Variants in POLD3 observed in about 807,000 individuals in gnomAD.
POLD3 encodes the protein DNA polymerase delta 3, accessory subunit.
POLD3 carries 19 observed loss-of-function variants against 58.2 expected under a neutral mutation model. That is an observed-to-expected ratio of 0.33 (90% confidence interval 0.23 to 0.48). The LOEUF (loss-of-function observed/expected upper bound fraction) is 0.48, where lower values mean the gene tolerates loss of function less well. POLD3 is among the 20% of genes least tolerant of loss of function. POLD3 has a pLI of 0.99. For synonymous variants in POLD3, 172 were observed against 193.5 expected, an observed-to-expected ratio of 0.89 and a Z score of 0.92; for missense variants, 504 against 545.5, an observed-to-expected ratio of 0.92 and a Z score of 0.76.
intron 2 of POLD3, among the ~76,000 whole-genome samples, chr11:74,600,350 CGAG>C (rs1554973763): frequency 2.0e-5 from 3 of 152,052 alleles, no homozygotes; most frequent in Non-Finnish European, 4.4e-5. Context: ...TTTGGGAGGC[CGAG>C]GAGGGCAGAT....
chr11:74,597,235 C>G (rs2031295263), intron 2 of POLD3, among the ~76,000 whole-genome samples: 1 of 152,174 alleles, frequency 6.6e-6, no homozygotes, highest in Non-Finnish European at 1.5e-5. Context: ...ATTCTGTTTT[C>G]TCCATACCCT....
intron 4 of POLD3, among the ~76,000 whole-genome samples, chr11:74,660,757 CCGCCATGATTG>C (rs2033196400): frequency 6.6e-6 from 1 of 152,194 alleles, no homozygotes; most frequent in Admixed American, 6.5e-5. Context: ...TCTTCACCTT[CCGCCATGATTG>C]TAAGTTTCCT....
downstream of POLD3, among the ~76,000 whole-genome samples, chr11:74,643,305 A>G (rs1417415698): frequency 1.3e-5 from 2 of 152,136 alleles, no homozygotes; most frequent in African/African-American, 4.8e-5. Flanking sequence ...GAGAGTAGAT[A>G]TTTTCCTACT....
chr11:74,621,350 T>C (rs936532554), intron 7 of POLD3, among the ~76,000 whole-genome samples: 3 of 152,014 alleles, frequency 2.0e-5, no homozygotes, highest in Non-Finnish European at 2.9e-5. Context: ...CTTATGAGAA[T>C]CTAATGCCTG....
At chr11:74,609,765 T>C (rs1322508918) in intron 3 of POLD3, among the ~76,000 whole-genome samples, 2 of 152,198 alleles carry the variant, frequency 1.3e-5, no homozygotes, top group African/African-American at 2.4e-5. Flanking sequence ...TGCAAACTAT[T>C]TTACACTCTG....
chr11:74,655,299 C>T (rs555855312), intron 4 of POLD3, among the ~76,000 whole-genome samples: 7 of 152,316 alleles, frequency 4.6e-5, no homozygotes, highest in South Asian at 4.1e-4. Context: ...ATGAAACAAA[C>T]GAGAGAGATC....
Position 74,643,055 on chromosome 11 carries a change from T to G in POLD3, c.*2289T>G. 2.1e-6 allele frequency: 1 copy of G among 476,182 alleles called. No individual in the cohort carries two copies. The highest frequency in any genetic ancestry group is 2.7e-6 in the Non-Finnish European group (1 of 364,882). The allele number at this position is 476,182 out of a possible 1,614,324, so 29.5% of individuals were successfully genotyped here. ...TTATCAAAATAAAACTAAAATGAGTTACCAAGGGTGTCAAGACTAAAGTCA... is the reference window on the plus strand; with the variant it reads ...TTATCAAAATAAAACTAAAATGAGTGACCAAGGGTGTCAAGACTAAAGTCA... On this transcript the variant is annotated 3_prime_UTR_variant, in exon 12 of 12. Coordinates refer to ENST00000263681, the MANE Select transcript of POLD3 (RefSeq NM_006591.3).
chr11:74,645,603 T>A (rs2032989055), downstream of POLD3, among the ~76,000 whole-genome samples: 1 of 152,192 alleles, frequency 6.6e-6, no homozygotes, highest in South Asian at 2.1e-4. Flanking sequence ...TCTTTAAAAA[T>A]GAGCTACCCA....
intron 8 of POLD3, among the ~76,000 whole-genome samples, 172 bp downstream of exon 8, chr11:74,625,745 G>C (rs1478536089): frequency 6.6e-6 from 1 of 152,240 alleles, no homozygotes; most frequent in South Asian, 2.1e-4. Context: ...TTATCTAGTG[G>C]AGTAGGACCG....
chr11:74,642,939 C>A lies in POLD3; in HGVS notation c.*2173C>A, dbSNP rs1205145206. 6.1e-6 allele frequency: 6 copies of A among 984,970 alleles called. No individual in the cohort carries two copies. The East Asian group carries it at 6.8e-4, about 112-fold the overall frequency. 61.0% of individuals were successfully genotyped at this position (984,970 alleles called of 1,614,324 possible). ...TTTCAGCCAACCTCATTTTTTAGTT[C>A]ATCTAGAAGAAAATCTAGCACATTG... is the stretch of plus-strand genomic sequence containing the variant. On this transcript the variant is annotated 3_prime_UTR_variant, in exon 12 of 12. Coordinates refer to ENST00000263681, the MANE Select transcript of POLD3 (RefSeq NM_006591.3).
intron 4 of POLD3, among the ~76,000 whole-genome samples, chr11:74,650,454 C>T (rs993572405): frequency 3.3e-5 from 5 of 152,294 alleles, no homozygotes; most frequent in Non-Finnish European, 5.9e-5. Flanking sequence ...TACTTGAAGT[C>T]GTTTAGAGGA....
rs71471315 is a variant in POLD3, at chr11:74,642,653, G to GT, written c.*1897dup. 10,855 of 816,316 alleles carry GT rather than the reference G, an allele frequency of 0.013. 2 individuals carry two copies. The highest frequency in any genetic ancestry group is 0.014 in the African/African-American group (758 of 53,266). 50.6% of individuals were successfully genotyped at this position (816,316 alleles called of 1,614,324 possible). A position where few individuals can be genotyped will look rare whatever the true frequency, so the allele number is the denominator to read the frequency against. On this transcript the variant is annotated 3_prime_UTR_variant, in exon 12 of 12. Coordinates refer to ENST00000263681, the MANE Select transcript of POLD3 (RefSeq NM_006591.3). The stretch of plus-strand genomic sequence containing the variant: ...CAAGGCTTAGTAAGTATTGAGTGGT[G>GT]TTTTTTTTTTCTTTTTATACAATAC...
intron 4 of POLD3, among the ~76,000 whole-genome samples, chr11:74,666,293 T>C (rs1398576095): frequency 1.3e-5 from 2 of 152,210 alleles, no homozygotes; most frequent in Non-Finnish European, 2.9e-5. Flanking sequence ...CTTTCCCATC[T>C]TGTTTGTCAG....
chr11:74,607,212 C>T (rs893434363), intron 3 of POLD3, among the ~76,000 whole-genome samples: 23 of 149,412 alleles, frequency 1.5e-4, no homozygotes, highest in African/African-American at 5.7e-4. Context: ...AGACATTACG[C>T]AGCTTTGTAT....
intron 6 of POLD3, among the ~76,000 whole-genome samples, chr11:74,619,151 A>G (rs2032172392): frequency 1.3e-5 from 2 of 152,196 alleles, no homozygotes; most frequent in Non-Finnish European, 2.9e-5. Context: ...TCTGAGGAAC[A>G]TCTTATATTC....
At chr11:74,604,544 A>C in intron 2 of POLD3, 148 bp from the exon 3 acceptor site, 1 of 575,092 alleles carries the variant, frequency 1.7e-6, no homozygotes, top group Non-Finnish European at 3.1e-6. Flanking sequence ...TTTTTTTTTC[A>C]ACTGTCCATA....
chr11:74,641,781 A>G lies in POLD3; in HGVS notation c.*1015A>G, dbSNP rs2032920418. The G allele has an allele frequency of 2.0e-6, 2 of 984,470 alleles. No homozygotes were observed. Among genetic ancestry groups the G allele is most frequent in the African/African-American group, 1.7e-5 (1 of 57,358 alleles). The allele number at this position is 984,470 out of a possible 1,614,324, so 61.0% of individuals were successfully genotyped here. On this transcript the variant is annotated 3_prime_UTR_variant, in exon 12 of 12. Coordinates refer to ENST00000263681, the MANE Select transcript of POLD3 (RefSeq NM_006591.3). The stretch of plus-strand genomic sequence containing the variant: ...AAGGCACACATTTATTTATAAATGG[A>G]TGTTGCTCCTTTGTATTTTTAGCTT...
chr11:74,609,412 G>T (rs1591296799), intron 3 of POLD3, among the ~76,000 whole-genome samples: 3 of 10,854 alleles, frequency 2.8e-4, no homozygotes, highest in East Asian at 1.7e-3. Context: ...ATGGACTTTT[G>T]CCTGTTGGCC....
downstream of POLD3, among the ~76,000 whole-genome samples, chr11:74,647,052 C>T (rs1321181887): frequency 6.6e-6 from 1 of 152,204 alleles, no homozygotes; most frequent in Non-Finnish European, 1.5e-5. Flanking sequence ...AACCTAGATC[C>T]TTGCATGTGC....
Sources: gnomAD v4.1 joint callset for allele counts (sites outside exome capture counted in the v4.1 genomes callset) on GRCh38, gnomAD v4.1.1 for gene constraint, MANE v1.5 for transcripts, NCBI Gene and HGNC (gene_info 2026-07-23, HGNC 2026-07-21) for gene names.